Variants in NEUROG1 observed in about 807,000 individuals in gnomAD.
The protein encoded by NEUROG1 is neurogenin-1.
In NEUROG1, 5 loss-of-function variants were observed where a neutral mutation model predicts 5.7. The observed-to-expected ratio is 0.88, with a 90% CI of 0.46 to 1.85. The LOEUF (loss-of-function observed/expected upper bound fraction) is 1.85. Ranked by LOEUF, NEUROG1 falls within the 40% of genes most tolerant of loss-of-function variation. The probability of loss-of-function intolerance (pLI) is 0.01; values close to 1 mark genes in which losing one functional copy is unlikely to be tolerated. For missense variants in NEUROG1, 403 were observed against 345.7 expected (o/e 1.17, Z -1.32); for synonymous variants, 196 against 157.4 (o/e 1.25, Z -1.84).
In NEUROG1 at chr5:135,534,887, C is replaced by T. The variant is rs1750498724; in HGVS notation, c.*90G>A. ...TTAAAGCTCCCGCTTCCTCCCTCCG[C>T]CTGGAGAGGGGGTCCCGAGGCGGCA... is the stretch of plus-strand genomic sequence containing the variant. On this transcript the variant is annotated 3_prime_UTR_variant, in exon 1 of 1. Coordinates refer to ENST00000314744, the MANE Select transcript of NEUROG1 (RefSeq NM_006161.3). 2 of 1,347,914 alleles carry T rather than the reference C, an allele frequency of 1.5e-6. No individual in the cohort carries two copies. Among genetic ancestry groups the T allele is most frequent in the Admixed American group, 4.7e-5 (2 of 42,552 alleles). 83.5% of individuals were successfully genotyped at this position (1,347,914 alleles called of 1,614,324 possible). A position where few individuals can be genotyped will look rare whatever the true frequency, so the allele number is the denominator to read the frequency against.
chr5:135,535,581 T>C lies in NEUROG1; in HGVS notation c.110A>G (p.Gln37Arg). The C allele has an allele frequency of 6.3e-7, 1 of 1,589,208 alleles. No individual in the cohort carries two copies. Among genetic ancestry groups the C allele is most frequent in the Non-Finnish European group, 8.5e-7 (1 of 1,174,146 alleles). Reference sequence around the variant, plus strand: ...GGGCGGCCCCGAAGCGGAGGCTGCCTGTTGGAGTCTGGCACAGTCTTCCTC... The same window carrying C: ...GGGCGGCCCCGAAGCGGAGGCTGCCCGTTGGAGTCTGGCACAGTCTTCCTC... Reference protein sequence around the residue: ...TDEEDCARLQQAASASGPPAP... With the variant: ...TDEEDCARLQRAASASGPPAP... Residue 37 changes from glutamine to arginine, a missense_variant, in exon 1 of 1, where the codon CAG (glutamine) becomes CGG (arginine). Gln to Arg is a conservative substitution (Grantham distance 43). Transcript: ENST00000314744.
In NEUROG1 at chr5:135,535,578, G is replaced by C. The variant is rs769941495; in HGVS notation, c.113C>G (p.Ala38Gly). 6.9e-6 allele frequency: 11 copies of C among 1,587,850 alleles called. No homozygotes were observed. In the South Asian group the frequency reaches 1.2e-4, roughly 18 times the overall value. The change falls in exon 1 of 1, where the codon GCA becomes GGA. Residue 38 changes from alanine to glycine, a missense_variant. Coordinates refer to ENST00000314744, the MANE Select transcript of NEUROG1 (RefSeq NM_006161.3). ...CGCGGGCGGCCCCGAAGCGGAGGCT[G>C]CCTGTTGGAGTCTGGCACAGTCTTC... Reference protein sequence around the residue: ...DEEDCARLQQAASASGPPAPA... With the variant: ...DEEDCARLQQGASASGPPAPA...
In NEUROG1 at chr5:135,535,679, G is replaced by A. The variant is rs765978125; in HGVS notation, c.12C>T (p.Arg4=). 4 of 1,563,746 alleles carry A rather than the reference G, an allele frequency of 2.6e-6. No homozygotes were observed. In the Admixed American group the frequency reaches 5.7e-5, roughly 22 times the overall value. The part of the protein sequence containing the change: MPA[R]LETCISDLDC... Reference sequence around the variant, plus strand: ...CGAGGTCGGAGATGCAGGTCTCAAGGCGGGCTGGCATCGTTGCGCTGTGCA... The same window carrying A: ...CGAGGTCGGAGATGCAGGTCTCAAGACGGGCTGGCATCGTTGCGCTGTGCA... The change falls in exon 1 of 1, where the codon CGC becomes CGT. Residue 4 remains arginine (R), a synonymous_variant. Transcript: ENST00000314744.
chr5:135,535,038 G>C lies in NEUROG1; in HGVS notation c.653C>G (p.Ser218Cys). 1 of 1,614,118 alleles carries C rather than the reference G, an allele frequency of 6.2e-7. No individual in the cohort carries two copies. Among genetic ancestry groups the C allele is most frequent in the Non-Finnish European group, 8.5e-7 (1 of 1,179,994 alleles). The change falls in exon 1 of 1, where the codon TCC becomes TGC. Residue 218 changes from serine to cysteine, a missense_variant. Ser to Cys is a moderately radical substitution (Grantham distance 112, BLOSUM62 -1). Transcript: ENST00000314744. ...FTYRPGDPVF[S>C]FPSLPKDLLH... ...CAAGTCTTTGGGCAGGCTTGGGAAG[G>C]AGAAAACAGGGTCGCCGGGGCGGTA...
rs748086238 is a variant in NEUROG1, at chr5:135,535,720, TAGAA to T, written c.-34_-31del. On this transcript the variant is annotated 5_prime_UTR_variant, in exon 1 of 1. Transcript: ENST00000314744. ...GCGCTGTGCAGGACCGACGGACAGA[TAGAA>T]AGGCGCTCAGAGCGCTGCAGCCCGG... 1.0e-5 allele frequency: 15 copies of T among 1,487,462 alleles called. No individual in the cohort carries two copies. The highest frequency in any genetic ancestry group is 8.3e-5 in the South Asian group (6 of 72,046). The allele number at this position is 1,487,462 out of a possible 1,614,324, so 92.1% of individuals were successfully genotyped here. A position where few individuals can be genotyped will look rare whatever the true frequency, so the allele number is the denominator to read the frequency against.
rs1427048653 is a variant in NEUROG1, at chr5:135,535,180, G to A, written c.511C>T (p.Pro171Ser). ...RERLLPPQCVPCLPGPPSPAS... is the reference protein window; with the variant it reads ...RERLLPPQCVSCLPGPPSPAS... ...GGGCTTGGGGGACCGGGCAGGCAGGGGACGCACTGCGGCGGCAGGAGGCGC... is the reference window on the plus strand; with the variant it reads ...GGGCTTGGGGGACCGGGCAGGCAGGAGACGCACTGCGGCGGCAGGAGGCGC... Residue 171 changes from proline (P) to serine (S), a missense_variant, in exon 1 of 1, where the codon CCC becomes TCC. By Grantham distance (74) the Pro-to-Ser change is moderately conservative (BLOSUM62 -1). Coordinates refer to ENST00000314744, the MANE Select transcript of NEUROG1 (RefSeq NM_006161.3). The A allele has an allele frequency of 2.5e-6, 4 of 1,610,564 alleles. No individual in the cohort carries two copies. In the Admixed American group the frequency reaches 5.0e-5, roughly 20 times the overall value.
rs781119500 is a variant in NEUROG1 at position 135,535,119 on chromosome 5, G to T, written c.572C>A (p.Ala191Asp). ...GGGGTCAGAGAGCGGGGAGGCGGCG[G>T]CGGCACCTGAGCCCCAGGACTCCGC... ...SDAESWGSGAAAASPLSDPSS... is the reference protein window; with the variant it reads ...SDAESWGSGADAASPLSDPSS... Residue 191 changes from alanine to aspartate, a missense_variant, in exon 1 of 1, where the codon GCC becomes GAC. Physicochemically the swap from Ala to Asp is moderately radical, Grantham distance 126. Transcript: ENST00000314744. 1.9e-6 allele frequency: 3 copies of T among 1,610,162 alleles called. No homozygotes were observed. Among genetic ancestry groups the T allele is most frequent in the Non-Finnish European group, 2.5e-6 (3 of 1,178,430 alleles).
chr5:135,535,633 T>C lies in NEUROG1; in HGVS notation c.58A>G (p.Ser20Gly). Residue 20 changes from serine (S) to glycine (G), a missense_variant, in exon 1 of 1, where the codon AGT (serine) becomes GGT (glycine). Coordinates refer to ENST00000314744, the MANE Select transcript of NEUROG1 (RefSeq NM_006161.3). Reference protein sequence around the residue: ...SDLDCASSSGSDLSGFLTDEE... With the variant: ...SDLDCASSSGGDLSGFLTDEE... Reference sequence around the variant, plus strand: ...TCGGTGAGGAAGCCGGATAGGTCACTGCCGCTGCTGCTGGCGCAGTCGAGG... The same window carrying C: ...TCGGTGAGGAAGCCGGATAGGTCACCGCCGCTGCTGCTGGCGCAGTCGAGG... The C allele has an allele frequency of 6.3e-7, 1 of 1,588,616 alleles. No individual in the cohort carries two copies. The highest frequency in any genetic ancestry group is 8.5e-7 in the Non-Finnish European group (1 of 1,172,814).
At position 135,534,990 on chromosome 5, in the gene NEUROG1, A is replaced by C. The variant is rs1426066728; in HGVS notation, c.701T>G (p.Ile234Ser). 6.2e-7 allele frequency: 1 copy of C among 1,613,820 alleles called. No individual in the cohort carries two copies. Among genetic ancestry groups the C allele is most frequent in the South Asian group, 1.1e-5 (1 of 91,064 alleles). The stretch of plus-strand genomic sequence containing the variant: ...TCTACAAAGGGCCTAGTGGTAAGGA[A>C]TGAAACAGGGCGTTGTGTGGAGCAA... ...KDLLHTTPCF[I>S]PYH is the part of the protein sequence containing the mutation. Residue 234 changes from isoleucine (I) to serine (S), a missense_variant, in exon 1 of 1, where the codon ATT becomes AGT. Coordinates refer to ENST00000314744, the MANE Select transcript of NEUROG1 (RefSeq NM_006161.3).
chr5:135,535,597 A>C lies in NEUROG1; in HGVS notation c.94T>G (p.Cys32Gly). Residue 32 changes from cysteine (C) to glycine (G), a missense_variant, in exon 1 of 1, where the codon TGT (cysteine) becomes GGT (glycine). Physicochemically the swap from Cys to Gly is radical, Grantham distance 159. Transcript: ENST00000314744. ...LSGFLTDEED[C>G]ARLQQAASAS... is the part of the protein sequence containing the mutation. ...GAGGCTGCCTGTTGGAGTCTGGCAC[A>C]GTCTTCCTCGTCGGTGAGGAAGCCG... The C allele has an allele frequency of 6.3e-7, 1 of 1,593,652 alleles. No individual in the cohort carries two copies. Among genetic ancestry groups the C allele is most frequent in the Non-Finnish European group, 8.5e-7 (1 of 1,175,958 alleles).
chr5:135,534,919 G>GC lies in NEUROG1; in HGVS notation c.*57dup, dbSNP rs1482221808. On this transcript the variant is annotated 3_prime_UTR_variant, in exon 1 of 1. Transcript: ENST00000314744. ...AGGGGGTCCCGAGGCGGCAGCTGGG[G>GC]CCCCATCTATTGCCTGCTGACTAGG... 1 of 1,544,494 alleles carries GC rather than the reference G, an allele frequency of 6.5e-7. No homozygotes were observed. The highest frequency in any genetic ancestry group is 8.8e-7 in the Non-Finnish European group (1 of 1,142,522).
chr5:135,535,225 G>T lies in NEUROG1; in HGVS notation c.466C>A (p.Pro156Thr), dbSNP rs750354245. 1 of 1,612,560 alleles carries T rather than the reference G, an allele frequency of 6.2e-7. No individual in the cohort carries two copies. Among genetic ancestry groups the T allele is most frequent in the Non-Finnish European group, 8.5e-7 (1 of 1,179,438 alleles). The change falls in exon 1 of 1, where the codon CCC (proline) becomes ACC (threonine). Residue 156 changes from proline (P) to threonine (T), a missense_variant. By Grantham distance (38) the Pro-to-Thr change is conservative. Transcript: ENST00000314744. ...ETLRLADQGL[P>T]GGGARERLLP... ...AGGCGCTCCCGGGCACCGCCTCCGG[G>T]CAGCCCTTGATCCGCCAGGCGCAGT...
Position 135,535,687 on chromosome 5 carries a change from G to A in NEUROG1, c.4C>T (p.Pro2Ser). Residue 2 changes from proline to serine, a missense_variant, in exon 1 of 1, where the codon CCA (proline) becomes TCA (serine). Pro to Ser is a moderately conservative substitution (Grantham distance 74). Coordinates refer to ENST00000314744, the MANE Select transcript of NEUROG1 (RefSeq NM_006161.3). ...GAGATGCAGGTCTCAAGGCGGGCTG[G>A]CATCGTTGCGCTGTGCAGGACCGAC... M[P>S]ARLETCISDL... 6.4e-7 allele frequency: 1 copy of A among 1,554,574 alleles called. No individual in the cohort carries two copies. Among genetic ancestry groups the A allele is most frequent in the African/African-American group, 1.4e-5 (1 of 70,974 alleles).
At position 135,535,929 on chromosome 5, in the gene NEUROG1, G is replaced by A; in HGVS notation, c.-239C>T. The A allele has an allele frequency of 2.2e-6, 1 of 449,056 alleles. No homozygotes were observed. Among genetic ancestry groups the A allele is most frequent in the Middle Eastern group, 5.6e-4 (1 of 1,796 alleles). 27.8% of individuals were successfully genotyped at this position (449,056 alleles called of 1,614,324 possible). A position where few individuals can be genotyped will look rare whatever the true frequency, so the allele number is the denominator to read the frequency against. On this transcript the variant is annotated 5_prime_UTR_variant, in exon 1 of 1. Transcript: ENST00000314744. The stretch of plus-strand genomic sequence containing the variant: ...GCCGGTCTCCTGAGTGATGTCGCCG[G>A]CGATCAGATCAGCTCGTGTGAGCAC...
chr5:135,535,748 G>C lies in NEUROG1; in HGVS notation c.-58C>G. On this transcript the variant is annotated 5_prime_UTR_variant, in exon 1 of 1. Coordinates refer to ENST00000314744, the MANE Select transcript of NEUROG1 (RefSeq NM_006161.3). ...AAAGGCGCTCAGAGCGCTGCAGCCCGGACTGAGGGCAGAGCCGCCAGGGCG... is the reference window on the plus strand; with the variant it reads ...AAAGGCGCTCAGAGCGCTGCAGCCCCGACTGAGGGCAGAGCCGCCAGGGCG... 1 of 1,443,342 alleles carries C rather than the reference G, an allele frequency of 6.9e-7. No homozygotes were observed. The highest frequency in any genetic ancestry group is 1.5e-5 in the South Asian group (1 of 68,720). 89.4% of individuals were successfully genotyped at this position (1,443,342 alleles called of 1,614,324 possible).
At position 135,535,485 on chromosome 5, in the gene NEUROG1, T is replaced by C; in HGVS notation, c.206A>G (p.Gln69Arg). ...CCGGCCGCGGCGCCGCCGCCTCTCC[T>C]GCTCGTCGTCCTGTGCCCCTGGAAC... The part of the protein sequence containing the change: ...SEVPGAQDDE[Q>R]ERRRRRGRTR... The change falls in exon 1 of 1, where the codon CAG becomes CGG. Residue 69 changes from glutamine to arginine, a missense_variant. By Grantham distance (43) the Gln-to-Arg change is conservative. Transcript: ENST00000314744. 6.4e-7 allele frequency: 1 copy of C among 1,571,980 alleles called. No homozygotes were observed. The highest frequency in any genetic ancestry group is 1.4e-5 in the African/African-American group (1 of 72,956).
chr5:135,535,517 C>T lies in NEUROG1; in HGVS notation c.174G>A (p.Ala58=). The T allele has an allele frequency of 6.3e-7, 1 of 1,574,870 alleles. No homozygotes were observed. Among genetic ancestry groups the T allele is most frequent in the Non-Finnish European group, 8.6e-7 (1 of 1,167,446 alleles). ...CGTCCTGTGCCCCTGGAACCTCAGA[C>T]GCCCGGGAGATATTGGGCGCGCCCC... ...ARRGAPNISR[A]SEVPGAQDDE... is the part of the protein sequence containing the mutation. The change falls in exon 1 of 1, where the codon GCG becomes GCA. Residue 58 remains alanine (A), a synonymous_variant. Transcript: ENST00000314744.
chr5:135,535,561 G>C lies in NEUROG1; in HGVS notation c.130C>G (p.Pro44Ala). ...RLQQAASASG[P>A]PAPARRGAPN... ...GCGCCCCTGCGGGCCGGCGCGGGCG[G>C]CCCCGAAGCGGAGGCTGCCTGTTGG... The change falls in exon 1 of 1, where the codon CCG (proline) becomes GCG (alanine). Residue 44 changes from proline (P) to alanine (A), a missense_variant. Physicochemically the swap from Pro to Ala is conservative, Grantham distance 27. Coordinates refer to ENST00000314744, the MANE Select transcript of NEUROG1 (RefSeq NM_006161.3). 6.3e-7 allele frequency: 1 copy of C among 1,577,060 alleles called. No homozygotes were observed.
rs1179357993 is a variant in NEUROG1 at position 135,535,111 on chromosome 5, A to AGGC, written c.577_579dup (p.Ala193dup). On this transcript the variant is annotated inframe_insertion, in exon 1 of 1. Transcript: ENST00000314744. ...GGGCTACTGGGGTCAGAGAGCGGGG[A>AGGC]GGCGGCGGCGGCACCTGAGCCCCAG... is the stretch of plus-strand genomic sequence containing the variant. 4.7e-5 allele frequency: 76 copies of AGGC among 1,610,598 alleles called. No homozygotes were observed. Among genetic ancestry groups the AGGC allele is most frequent in the Non-Finnish European group, 6.0e-5 (71 of 1,178,698 alleles).
Sources: gnomAD v4.1 joint callset for allele counts on GRCh38, gnomAD v4.1.1 for gene constraint, MANE v1.5 for transcripts, NCBI Gene and HGNC (gene_info 2026-07-23, HGNC 2026-07-21) for gene names.